Variants in COL22A1 observed in about 807,000 individuals in gnomAD.
COL22A1 encodes the protein collagen alpha-1(XXII) chain.
In COL22A1, 221 loss-of-function variants were observed where a neutral mutation model predicts 248.9. That is an observed-to-expected ratio of 0.89 (90% confidence interval 0.80 to 0.99). The LOEUF (loss-of-function observed/expected upper bound fraction) is 0.99, where lower values mean the gene tolerates loss of function less well. Ranked by LOEUF, COL22A1 falls within the 50% of genes least tolerant of loss-of-function variation. The pLI, the probability that COL22A1 is intolerant of heterozygous loss-of-function variation, is 0.00. For synonymous variants in COL22A1, 891 were observed against 793.4 expected, an observed-to-expected ratio of 1.12 and a Z score of -2.07; for missense variants, 2,240 against 2,179.0, an observed-to-expected ratio of 1.03 and a Z score of -0.56.
At chr8:138,801,920 C>T (rs75783411) in intron 11 of COL22A1, among the ~76,000 whole-genome samples, 2,930 of 151,966 alleles carry the variant, frequency 0.019, 73 homozygotes, top group African/African-American at 0.062. Context: ...CAAGGTCACA[C>T]GGCTAATAAA....
chr8:138,645,979 C>T (rs1419449218), intron 47 of COL22A1, among the ~76,000 whole-genome samples: 2 of 152,210 alleles, frequency 1.3e-5, no homozygotes, highest in Non-Finnish European at 2.9e-5. Context: ...TACCAGCACT[C>T]AGGCAGTTTC....
At chr8:138,769,985 T>A (rs1484639541) in intron 16 of COL22A1, among the ~76,000 whole-genome samples, 1 of 152,136 alleles carries the variant, frequency 6.6e-6, no homozygotes, top group Non-Finnish European at 1.5e-5. Context: ...ACTCATTGGA[T>A]CCTTAGAGCC....
chr8:138,724,688 AC>A lies in COL22A1; in HGVS notation c.2194-21del. On this transcript the variant is annotated intron_variant, in intron 24 of 64. Transcript: ENST00000303045. ...CAAACCCTGAAAGGGGACCACATGGACCCTGTTAGCCTGGCCTGTTCAGAGA... is the reference window on the plus strand; with the variant it reads ...CAAACCCTGAAAGGGGACCACATGGACCTGTTAGCCTGGCCTGTTCAGAGA... 1 of 1,611,686 alleles carries A rather than the reference AC, an allele frequency of 6.2e-7. No individual in the cohort carries two copies.
chr8:138,867,076 G>A (rs1021992159), intron 3 of COL22A1, among the ~76,000 whole-genome samples: 3 of 152,184 alleles, frequency 2.0e-5, no homozygotes, highest in Admixed American at 6.5e-5. Context: ...TAAAGGGCCC[G>A]ATAGTAAATA....
intron 12 of COL22A1, among the ~76,000 whole-genome samples, chr8:138,781,188 G>C (rs974746374): frequency 1.4e-4 from 21 of 152,246 alleles, no homozygotes; most frequent in African/African-American, 4.1e-4. Flanking sequence ...TCTACATCAG[G>C]GTCCATGTCA....
chr8:138,865,918 AGTGTATATGT>A (rs1440781553), intron 3 of COL22A1, among the ~76,000 whole-genome samples: 3 of 94,360 alleles, frequency 3.2e-5, no homozygotes, highest in Admixed American at 2.0e-4. Context: ...CCTGCATGTG[AGTGTATATGT>A]GTGTGTATGT....
At chr8:138,783,956 C>G (rs1815275443) in intron 12 of COL22A1, among the ~76,000 whole-genome samples, 1 of 152,158 alleles carries the variant, frequency 6.6e-6, no homozygotes, top group Admixed American at 6.5e-5. Context: ...GAGCCCAGAG[C>G]CCATGCAGGG....
At chr8:138,681,242 C>T (rs1207616090) in intron 39 of COL22A1, among the ~76,000 whole-genome samples, 2 of 152,156 alleles carry the variant, frequency 1.3e-5, no homozygotes, top group Admixed American at 1.3e-4. Context: ...CGGCACTATG[C>T]TAGGCAACTG....
chr8:138,646,692 G>T lies in COL22A1; in HGVS notation c.3448-10C>A. 1 of 1,560,036 alleles carries T rather than the reference G, an allele frequency of 6.4e-7. No homozygotes were observed. Among genetic ancestry groups the T allele is most frequent in the East Asian group, 2.3e-5 (1 of 42,594 alleles). On this transcript the variant is annotated splice_polypyrimidine_tract_variant and intron_variant, in intron 46 of 64. Transcript: ENST00000303045. ...GAGGCCCAGCCTCTCCCTGTATCAGGGATACAAGAAAAAAAAAGAAAACAA... is the reference window on the plus strand; with the variant it reads ...GAGGCCCAGCCTCTCCCTGTATCAGTGATACAAGAAAAAAAAAGAAAACAA...
At chr8:138,700,841 T>C (rs1827900923) in intron 31 of COL22A1, among the ~76,000 whole-genome samples, 2 of 151,936 alleles carry the variant, frequency 1.3e-5, no homozygotes, top group South Asian at 2.1e-4. Flanking sequence ...AAAAATTAGC[T>C]AGGCGTGATG....
At chr8:138,610,369 C>T (rs1008472202) in intron 56 of COL22A1, among the ~76,000 whole-genome samples, 8 of 152,302 alleles carry the variant, frequency 5.3e-5, no homozygotes, top group African/African-American at 1.9e-4. Context: ...CACATACATT[C>T]GCAATCATCA....
intron 40 of COL22A1, among the ~76,000 whole-genome samples, chr8:138,678,864 T>C (rs1395254781): frequency 6.6e-6 from 1 of 152,210 alleles, no homozygotes. Flanking sequence ...AAAACAACTA[T>C]ATAAGGTTGA....
chr8:138,811,270 T>TACACAC (rs1438634547), intron 9 of COL22A1, among the ~76,000 whole-genome samples: 2 of 112,380 alleles, frequency 1.8e-5, no homozygotes, highest in African/African-American at 2.8e-5. Flanking sequence ...CATATATATA[T>TACACAC]ATACACACAC....
intron 27 of COL22A1, among the ~76,000 whole-genome samples, chr8:138,719,130 A>G (rs1829670364): frequency 1.3e-5 from 2 of 152,206 alleles, no homozygotes; most frequent in Admixed American, 6.5e-5. Context: ...AAATGCTTTC[A>G]ATCCTTTCTG....
chr8:138,606,257 A>G lies in COL22A1; in HGVS notation c.4104+124T>C. On this transcript the variant is annotated intron_variant, in intron 58 of 64. Coordinates refer to ENST00000303045, the MANE Select transcript of COL22A1 (RefSeq NM_152888.3). ...TAAACCATGATGCAACTTTGACCCC[A>G]CACAGGTCATCATGGCCTGAGCAGA... The G allele has an allele frequency of 5.7e-6, 5 of 871,248 alleles. No homozygotes were observed. In the South Asian group the frequency reaches 8.2e-5, roughly 14 times the overall value. The allele number at this position is 871,248 out of a possible 1,614,324, so 54.0% of individuals were successfully genotyped here. A position where few individuals can be genotyped will look rare whatever the true frequency, so the allele number is the denominator to read the frequency against.
intron 44 of COL22A1, among the ~76,000 whole-genome samples, chr8:138,656,583 C>G (rs922307014): frequency 6.6e-6 from 1 of 152,020 alleles, no homozygotes; most frequent in Admixed American, 6.6e-5. Flanking sequence ...GCTCTTACAA[C>G]CACAGCCATC....
At chr8:138,825,570 TC>T (rs1395627100) in intron 6 of COL22A1, 1 of 152,072 alleles carries the variant, frequency 6.6e-6, no homozygotes, top group Non-Finnish European at 1.5e-5. Context: ...CTCCAAACAA[TC>T]CCCAGCTCCT....
At chr8:138,598,588 G>T in intron 61 of COL22A1, 131 bp downstream of exon 61, 1 of 834,342 alleles carries the variant, frequency 1.2e-6, no homozygotes, top group East Asian at 2.6e-5. Flanking sequence ...AAAGTAGCCT[G>T]CCCCAGGTCA....
rs1186241972 is a variant in COL22A1, at chr8:138,589,236, T to A, written c.*17A>T. ...GTTTCAGAAATCCACTGCAGTCTTCTGGCTTTCCAGAGTCCTTTAGGGACC... is the reference window on the plus strand; with the variant it reads ...GTTTCAGAAATCCACTGCAGTCTTCAGGCTTTCCAGAGTCCTTTAGGGACC... On this transcript the variant is annotated 3_prime_UTR_variant, in exon 65 of 65. Transcript: ENST00000303045. 1 of 1,611,278 alleles carries A rather than the reference T, an allele frequency of 6.2e-7. No homozygotes were observed. Among genetic ancestry groups the A allele is most frequent in the Admixed American group, 1.7e-5 (1 of 59,594 alleles).
Sources: allele counts gnomAD v4.1 joint callset (sites outside exome capture counted in the v4.1 genomes callset), GRCh38; gene constraint gnomAD v4.1.1; transcripts MANE v1.5; gene names NCBI Gene and HGNC (gene_info 2026-07-23, HGNC 2026-07-21).